NCKAP5: variants seen among roughly 807,000 people sequenced by gnomAD.
NCKAP5 encodes the protein NCK associated protein 5.
A neutral mutation model predicts 167.0 loss-of-function variants in NCKAP5; 92 were observed. The ratio of observed to expected loss-of-function variants is 0.55; its 90% CI spans 0.47 to 0.66. The LOEUF (loss-of-function observed/expected upper bound fraction) is 0.66, where lower values mean the gene tolerates loss of function less well. NCKAP5 is among the 30% of genes least tolerant of loss of function. The pLI, the probability that NCKAP5 is intolerant of heterozygous loss-of-function variation, is 0.00. For missense variants in NCKAP5, 2,378 were observed against 2,315.0 expected (o/e 1.03, Z -0.56); for synonymous variants, 891 against 877.4 (o/e 1.02, Z -0.27).
At chr2:133,128,130 T>C (rs1476189664) in intron 6 of NCKAP5, among the ~76,000 whole-genome samples, 1 of 152,192 alleles carries the variant, frequency 6.6e-6, no homozygotes, top group East Asian at 1.9e-4. Context: ...AAAATTAAGC[T>C]GTCATTATAA....
intron 16 of NCKAP5, among the ~76,000 whole-genome samples, chr2:132,732,852 C>A (rs1031177045): frequency 1.3e-5 from 2 of 152,166 alleles, no homozygotes; most frequent in East Asian, 3.9e-4. Flanking sequence ...GTAATTCACA[C>A]GCCAGAAGGG....
chr2:133,266,377 GGGA>G (rs2150390579), intron 4 of NCKAP5: 1 of 153,440 alleles, frequency 6.5e-6, no homozygotes, highest in Non-Finnish European at 1.5e-5. Flanking sequence ...AGACCCAGGC[GGGA>G]GGCGCGGAAG....
chr2:133,184,434 G>A (rs2084859376), intron 5 of NCKAP5, among the ~76,000 whole-genome samples: 1 of 152,136 alleles, frequency 6.6e-6, no homozygotes, highest in Non-Finnish European at 1.5e-5. Context: ...ACATATGAAT[G>A]CATGTGTCTT....
chr2:133,532,533 G>C (rs1231367252), intron 2 of NCKAP5, among the ~76,000 whole-genome samples: 1 of 152,012 alleles, frequency 6.6e-6, no homozygotes, highest in Non-Finnish European at 1.5e-5. Context: ...GGATCAGATG[G>C]GCTCTGGCAG....
chr2:133,290,726 TC>T (rs1366988024), intron 4 of NCKAP5, among the ~76,000 whole-genome samples: 2 of 95,270 alleles, frequency 2.1e-5, no homozygotes, highest in African/African-American at 4.0e-5. Flanking sequence ...CAAGAATTTC[TC>T]CTTTTTTTTT....
At chr2:132,984,674 C>G (rs1473487262) in intron 7 of NCKAP5, among the ~76,000 whole-genome samples, 1 of 151,982 alleles carries the variant, frequency 6.6e-6, no homozygotes, top group East Asian at 1.9e-4. Context: ...CAGGCCTGTT[C>G]CACTTCTTTC....
chr2:132,933,536 C>G (rs111385291), intron 8 of NCKAP5, among the ~76,000 whole-genome samples: 16 of 152,290 alleles, frequency 1.1e-4, no homozygotes, highest in African/African-American at 3.9e-4. Context: ...GTGTTTCTCA[C>G]GGATTGTTGA....
chr2:133,446,267 A>C (rs1215905842), intron 3 of NCKAP5, among the ~76,000 whole-genome samples: 1 of 152,242 alleles, frequency 6.6e-6, no homozygotes, highest in Non-Finnish European at 1.5e-5. Context: ...TTCAAGCTTC[A>C]GCAAGTAGAA....
intron 2 of NCKAP5, among the ~76,000 whole-genome samples, chr2:133,539,947 G>A (rs1215514968): frequency 3.9e-5 from 6 of 152,176 alleles, no homozygotes; most frequent in Admixed American, 2.0e-4. Flanking sequence ...TTGGAAGGCC[G>A]AGGCAGGCAG....
At chr2:133,290,159 A>C (rs1679468955) in intron 4 of NCKAP5, among the ~76,000 whole-genome samples, 1 of 152,192 alleles carries the variant, frequency 6.6e-6, no homozygotes, top group Non-Finnish European at 1.5e-5. Flanking sequence ...TACCACTTTC[A>C]AGCCTTGTAG....
chr2:133,534,419 A>G (rs550550116), intron 2 of NCKAP5, among the ~76,000 whole-genome samples: 1 of 152,262 alleles, frequency 6.6e-6, no homozygotes, highest in South Asian at 2.1e-4. Context: ...TACCACTAGT[A>G]CCATAATCTA....
intron 3 of NCKAP5, among the ~76,000 whole-genome samples, chr2:133,385,359 G>T (rs527407870): frequency 3.7e-4 from 56 of 152,192 alleles, no homozygotes; most frequent in Admixed American, 6.5e-4. Flanking sequence ...TTTTTGATTT[G>T]CATATGTTGA....
intron 11 of NCKAP5, among the ~76,000 whole-genome samples, chr2:132,829,936 C>T (rs759131972): frequency 3.9e-5 from 6 of 152,150 alleles, no homozygotes; most frequent in Non-Finnish European, 8.8e-5. Flanking sequence ...CATTTATTTA[C>T]TCTGTCTGGT....
chr2:133,502,008 G>C lies in NCKAP5; in HGVS notation c.69+15450C>G, dbSNP rs568373862. The stretch of plus-strand genomic sequence containing the variant: ...TCAACATGTAGTCTTTGCTTTATAG[G>C]AGCCTCCAGGCTCCGTAGATCCTTG... On this transcript the variant is annotated intron_variant, in intron 3 of 19. Coordinates refer to ENST00000409261, the MANE Select transcript of NCKAP5 (RefSeq NM_207363.3). 5.3e-5 allele frequency among the ~76,000 whole-genome samples: 8 copies of C among 152,292 alleles called. No homozygotes were observed. The East Asian group carries it at 5.8e-4, about 11-fold the overall frequency.
chr2:132,771,848 T>G (rs1281785500), intron 16 of NCKAP5, among the ~76,000 whole-genome samples: 1,681 of 143,666 alleles, frequency 0.012, 47 homozygotes, highest in African/African-American at 0.041. Flanking sequence ...AATTTTTTTT[T>G]TTTTTTTTTT....
intron 4 of NCKAP5, among the ~76,000 whole-genome samples, chr2:133,287,010 C>T (rs1679194408): frequency 6.6e-6 from 1 of 152,164 alleles, no homozygotes; most frequent in South Asian, 2.1e-4. Flanking sequence ...TGAAAGATGA[C>T]CACTTTGCTT....
intron 2 of NCKAP5, among the ~76,000 whole-genome samples, chr2:133,528,211 T>C (rs1685079868): frequency 6.6e-6 from 1 of 152,152 alleles, no homozygotes; most frequent in South Asian, 2.1e-4. Context: ...TGCATACATA[T>C]ACACATAAAT....
intron 2 of NCKAP5, among the ~76,000 whole-genome samples, chr2:133,517,909 AG>A (rs1414514672): frequency 6.6e-6 from 1 of 152,230 alleles, no homozygotes; most frequent in African/African-American, 2.4e-5. Flanking sequence ...TCTATCAGCC[AG>A]AATAATTCTG....
chr2:133,083,706 A>G (rs2080888945), intron 6 of NCKAP5, among the ~76,000 whole-genome samples: 1 of 152,154 alleles, frequency 6.6e-6, no homozygotes, highest in South Asian at 2.1e-4. Context: ...ATGAAAAAGA[A>G]ACTCTCACTG....
Sources: gnomAD v4.1 joint callset for allele counts (sites outside exome capture counted in the v4.1 genomes callset) on GRCh38, gnomAD v4.1.1 for gene constraint, MANE v1.5 for transcripts, NCBI Gene and HGNC (gene_info 2026-07-23, HGNC 2026-07-21) for gene names.